Variants in DYRK4 observed in about 807,000 individuals in gnomAD.
The protein encoded by DYRK4 is dual specificity tyrosine phosphorylation regulated kinase 4.
A neutral mutation model predicts 68.3 loss-of-function variants in DYRK4; 64 were observed. That is an observed-to-expected ratio of 0.94 (90% CI 0.77 to 1.15). DYRK4 has a LOEUF of 1.15. Ranked by LOEUF, DYRK4 falls within the 50% of genes most tolerant of loss-of-function variation. The pLI is 0.00. For synonymous variants in DYRK4, 274 were observed against 289.9 expected (o/e 0.95, Z 0.56); for missense variants, 740 against 764.7 (o/e 0.97, Z 0.38).
chr12:4,584,907 C>T (rs1191852576), intron 2 of DYRK4, among the ~76,000 whole-genome samples: 2 of 152,072 alleles, frequency 1.3e-5, no homozygotes, highest in Non-Finnish European at 2.9e-5. Context: ...GGTGAGCTAG[C>T]TGAAACATGA....
intron 13 of DYRK4, among the ~76,000 whole-genome samples, chr12:4,611,940 T>A (rs1172720544): frequency 1.3e-5 from 2 of 152,234 alleles, no homozygotes; most frequent in East Asian, 3.8e-4. Context: ...AAACCAGTTT[T>A]GGCACAATAA....
chr12:4,570,569 GACTTATAATCCCTTCATCTAAAAAAAC>G (rs1944721111), intron 2 of DYRK4, among the ~76,000 whole-genome samples: 1 of 152,122 alleles, frequency 6.6e-6, no homozygotes, highest in African/African-American at 2.4e-5. Flanking sequence ...TGAATTGTAT[GACTTATAATCCCTTCATCTAAAAAAAC>G]ACTTAAGAAG....
chr12:4,567,613 A>G (rs1460720082), intron 1 of DYRK4, among the ~76,000 whole-genome samples: 2 of 152,272 alleles, frequency 1.3e-5, no homozygotes, highest in African/African-American at 2.4e-5. Flanking sequence ...CTATCTAAGT[A>G]GCCCATGAAT....
intron 1 of DYRK4, among the ~76,000 whole-genome samples, chr12:4,565,159 C>T (rs1944664226): frequency 6.6e-6 from 1 of 152,148 alleles, no homozygotes; most frequent in Non-Finnish European, 1.5e-5. Context: ...AATTCTTTTC[C>T]ACATAGCTCA....
chr12:4,596,519 T>A, intron 7 of DYRK4, 70 bp from the exon 8 acceptor site: 1 of 1,566,254 alleles, frequency 6.4e-7, no homozygotes, highest in Non-Finnish European at 8.6e-7. Context: ...GGCTGACTGC[T>A]GCAGCGGGAC....
intron 2 of DYRK4, among the ~76,000 whole-genome samples, chr12:4,586,729 C>CACACACAGACAG (rs368783190): frequency 8.9e-6 from 1 of 112,362 alleles, no homozygotes; most frequent in Non-Finnish European, 2.1e-5. Flanking sequence ...CACACACACA[C>CACACACAGACAG]ACAGACACAC....
In DYRK4 at chr12:4,599,087, T is replaced by A; in HGVS notation, c.965T>A (p.Val322Asp). ...TTTCAAGGCTTCAGTCTGTCCATAG[T>A]TCGGCGCTTCACTCTCTCTGTTTTG... is the stretch of plus-strand genomic sequence containing the variant. ...NNFQGFSLSI[V>D]RRFTLSVLKC... Residue 322 changes from valine (V) to aspartate (D), a missense_variant, in exon 9 of 15, where the codon GTT becomes GAT. Coordinates refer to ENST00000543431, the MANE Select transcript of DYRK4 (RefSeq NM_001394779.1). 6.2e-7 allele frequency: 1 copy of A among 1,614,144 alleles called. No homozygotes were observed. Among genetic ancestry groups the A allele is most frequent in the Non-Finnish European group, 8.5e-7 (1 of 1,180,004 alleles).
At position 4,613,020 on chromosome 12, in the gene DYRK4, T is replaced by C; in HGVS notation, c.1666+302T>C. The C allele has an allele frequency of 2.9e-6, 1 of 340,662 alleles. No individual in the cohort carries two copies. Among genetic ancestry groups the C allele is most frequent in the Non-Finnish European group, 5.4e-6 (1 of 184,426 alleles). 21.1% of individuals were successfully genotyped at this position (340,662 alleles called of 1,614,324 possible). Reference sequence around the variant, plus strand: ...ATTAGCCTGGATCTTTTTTGCCCCTTATTAGGATTTTCCATTTTTCTCCTA... The same window carrying C: ...ATTAGCCTGGATCTTTTTTGCCCCTCATTAGGATTTTCCATTTTTCTCCTA... On this transcript the variant is annotated intron_variant, in intron 14 of 14. Transcript: ENST00000543431. This position sits in a 1 kb window ranked among gnomAD's most constrained non-coding sequence, Gnocchi z 4.0.
intron 2 of DYRK4, among the ~76,000 whole-genome samples, chr12:4,585,632 G>A (rs1309095906): frequency 6.6e-6 from 1 of 152,040 alleles, no homozygotes; most frequent in Non-Finnish European, 1.5e-5. Flanking sequence ...CTGTTGTGGG[G>A]TGGGGGGAGC....
intron 2 of DYRK4, among the ~76,000 whole-genome samples, chr12:4,575,592 A>T (rs1030478964): frequency 6.7e-6 from 1 of 149,224 alleles, no homozygotes; most frequent in Non-Finnish European, 1.5e-5. Context: ...TACAGGCATG[A>T]GCCACCGTGC....
At position 4,601,876 on chromosome 12, in the gene DYRK4, TTGTGTGTGTG is replaced by T. The variant is rs58259135; in HGVS notation, c.1126+2114_1126+2123del. ...CTTAAGTGAGACCAGTCTGTAGGGTTTGTGTGTGTGTGTGTGTGTGTGTGTGTGTGTGTGT... is the reference window on the plus strand; with the variant it reads ...CTTAAGTGAGACCAGTCTGTAGGGTTTGTGTGTGTGTGTGTGTGTGTGTGT... On this transcript the variant is annotated intron_variant, in intron 10 of 14. Coordinates refer to ENST00000543431, the MANE Select transcript of DYRK4 (RefSeq NM_001394779.1). 59 of 157,640 alleles carry T rather than the reference TTGTGTGTGTG, an allele frequency of 3.7e-4. No homozygotes were observed. The South Asian group carries it at 7.2e-3, about 19-fold the overall frequency. The allele number at this position is 157,640 out of a possible 1,614,324, so 9.8% of individuals were successfully genotyped here. A position where few individuals can be genotyped will look rare whatever the true frequency, so the allele number is the denominator to read the frequency against.
intron 6 of DYRK4, 57 bp from the exon 7 acceptor site, chr12:4,596,092 C>A: frequency 6.3e-7 from 1 of 1,584,008 alleles, no homozygotes; most frequent in East Asian, 2.2e-5. Flanking sequence ...GGGCCATGTA[C>A]CAGGAAGGCC....
intron 10 of DYRK4, chr12:4,602,988 TCA>T: frequency 1.1e-6 from 1 of 892,986 alleles, no homozygotes; most frequent in South Asian, 1.6e-5. Flanking sequence ...CTTTTATCAT[TCA>T]CGGGTTCTTG....
rs781529973 is a variant in DYRK4, at chr12:4,593,036, A to G, written c.498A>G (p.Pro166=). ...AGCTTTTTAAGAACCAGCTGTCTCC[A>G]TATGAACAAAGTGAAATCCTGGGCT... is the stretch of plus-strand genomic sequence containing the variant. ...ALKLFKNQLS[P]YEQSEILGYA... The change falls in exon 6 of 15, where the codon CCA becomes CCG. Residue 166 remains proline (P), a synonymous_variant. Coordinates refer to ENST00000543431, the MANE Select transcript of DYRK4 (RefSeq NM_001394779.1). The G allele has an allele frequency of 1.2e-6, 2 of 1,614,216 alleles. No individual in the cohort carries two copies. Among genetic ancestry groups the G allele is most frequent in the East Asian group, 2.2e-5 (1 of 44,874 alleles).
chr12:4,612,084 G>A (rs1945228177), intron 13 of DYRK4, among the ~76,000 whole-genome samples: 1 of 152,120 alleles, frequency 6.6e-6, no homozygotes, highest in South Asian at 2.1e-4. Flanking sequence ...AATGTATTCT[G>A]CTACTGTATT....
chr12:4,577,404 T>C (rs898695769), intron 2 of DYRK4, among the ~76,000 whole-genome samples: 3 of 152,186 alleles, frequency 2.0e-5, no homozygotes, highest in African/African-American at 7.2e-5. Context: ...CTTTCTCCAT[T>C]GAATTGATTT....
At chr12:4,602,592 A>G (rs1945093974) in intron 10 of DYRK4, 2 of 1,323,446 alleles carry the variant, frequency 1.5e-6, no homozygotes, top group Non-Finnish European at 2.2e-6. Flanking sequence ...TGACAACATC[A>G]ATCTTTGCTG....
Position 4,601,266 on chromosome 12 carries a change from CTG to C in DYRK4, c.1126+1481_1126+1482del, listed in dbSNP as rs1591804035. On this transcript the variant is annotated intron_variant, in intron 10 of 14. Coordinates refer to ENST00000543431, the MANE Select transcript of DYRK4 (RefSeq NM_001394779.1). The stretch of plus-strand genomic sequence containing the variant: ...TCACTCTCACACACTGTTGGAGGAA[CTG>C]TGAATTCATATTATCTTTTGGGAGG... Among the ~76,000 whole-genome samples the C allele has an allele frequency of 3.3e-5, 5 of 152,352 alleles. No homozygotes were observed. The East Asian group carries it at 9.6e-4, about 29-fold the overall frequency.
intron 2 of DYRK4, among the ~76,000 whole-genome samples, chr12:4,575,322 T>TGTGTGTGTG (rs71061193): frequency 6.6e-6 from 1 of 151,732 alleles, no homozygotes; most frequent in South Asian, 2.1e-4. Flanking sequence ...TGTGTGTGTG[T>TGTGTGTGTG]TTTCGAAACG....
Sources: allele counts gnomAD v4.1 joint callset (sites outside exome capture counted in the v4.1 genomes callset), GRCh38; gene constraint gnomAD v4.1.1; non-coding constraint Gnocchi (gnomAD v3.1); transcripts MANE v1.5; gene names NCBI Gene and HGNC (gene_info 2026-07-23, HGNC 2026-07-21).